Variants in HACD2 observed in about 807,000 individuals in gnomAD.
HACD2 encodes 3-hydroxyacyl-CoA dehydratase 2, also known as very-long-chain (3R)-3-hydroxyacyl-CoA dehydratase 2.
HACD2 carries 15 observed loss-of-function variants against 31.0 expected under a neutral mutation model. That is an observed-to-expected ratio of 0.48 (90% CI 0.32 to 0.75). The LOEUF is 0.75. Among genes scored for constraint, HACD2 ranks in the 30% least tolerant of loss-of-function variants. The probability of loss-of-function intolerance (pLI) is 0.03; values close to 1 mark genes in which losing one functional copy is unlikely to be tolerated. For synonymous variants in HACD2, 115 were observed against 122.2 expected (o/e 0.94, Z 0.39); for missense variants, 283 against 313.0 (o/e 0.90, Z 0.72).
intron 4 of HACD2, among the ~76,000 whole-genome samples, chr3:123,507,042 G>A (rs1203445322): frequency 6.6e-6 from 1 of 152,148 alleles, no homozygotes; most frequent in Non-Finnish European, 1.5e-5. Flanking sequence ...AGGATCACTT[G>A]AGGCCAGGAG....
rs1025926276 is a variant in HACD2, at chr3:123,492,095, C to G, written c.*2793G>C. On this transcript the variant is annotated 3_prime_UTR_variant, in exon 7 of 7. Transcript: ENST00000383657. ...GCAAGGACAGTGCTTTATTCCATGA[C>G]TAACTCTCCATGGTGCCTCTGGATA... 1 of 152,196 alleles carries G rather than the reference C, an allele frequency of 6.6e-6. No individual in the cohort carries two copies. Among genetic ancestry groups the G allele is most frequent in the African/African-American group, 2.4e-5 (1 of 41,438 alleles). 9.4% of individuals were successfully genotyped at this position (152,196 alleles called of 1,614,324 possible).
chr3:123,566,435 C>T (rs912724480), intron 3 of HACD2, among the ~76,000 whole-genome samples: 5 of 152,126 alleles, frequency 3.3e-5, no homozygotes, highest in South Asian at 4.2e-4. Flanking sequence ...CAGGCATGCA[C>T]GACCACACCT....
At chr3:123,530,210 C>T (rs1376983751) in intron 3 of HACD2, among the ~76,000 whole-genome samples, 2 of 151,872 alleles carry the variant, frequency 1.3e-5, no homozygotes, top group Non-Finnish European at 2.9e-5. Flanking sequence ...AACAAACAAA[C>T]AAACAAAAAG....
intron 3 of HACD2, among the ~76,000 whole-genome samples, chr3:123,542,691 G>C (rs1455583575): frequency 6.6e-6 from 1 of 152,202 alleles, no homozygotes; most frequent in Non-Finnish European, 1.5e-5. Flanking sequence ...TCTCCACTGA[G>C]AGAGACATGA....
chr3:123,547,603 T>G (rs574278866), intron 3 of HACD2, among the ~76,000 whole-genome samples: 1 of 152,246 alleles, frequency 6.6e-6, no homozygotes, highest in East Asian at 1.9e-4. Flanking sequence ...CATGCTATAC[T>G]ACTACAGGTG....
At position 123,502,566 on chromosome 3, in the gene HACD2, C is replaced by G. The variant is rs1273614263; in HGVS notation, c.497G>C (p.Trp166Ser). ...LLNHLPYLIK[W>S]ARYTLFIVLY... is the part of the protein sequence containing the mutation. Reference sequence around the variant, plus strand: ...TTGAAATGTGCTTTTTTACCTGGCCCATTTGATGAGGTAAGGCAGATGGTT... The same window carrying G: ...TTGAAATGTGCTTTTTTACCTGGCCGATTTGATGAGGTAAGGCAGATGGTT... The change falls in exon 5 of 7, where the codon TGG becomes TCG. Residue 166 changes from tryptophan (W) to serine (S), a missense_variant. Physicochemically the swap from Trp to Ser is radical, Grantham distance 177. Coordinates refer to ENST00000383657, the MANE Select transcript of HACD2 (RefSeq NM_198402.5). 1 of 1,610,954 alleles carries G rather than the reference C, an allele frequency of 6.2e-7. No individual in the cohort carries two copies. The highest frequency in any genetic ancestry group is 1.7e-4 in the Middle Eastern group (1 of 6,056).
intron 3 of HACD2, among the ~76,000 whole-genome samples, chr3:123,564,058 G>A (rs547018480): frequency 2.0e-5 from 3 of 152,234 alleles, no homozygotes; most frequent in African/African-American, 7.2e-5. Context: ...CAGGCATGCC[G>A]GTGAGAGAGG....
At chr3:123,532,943 C>A (rs947813497) in intron 3 of HACD2, among the ~76,000 whole-genome samples, 6 of 151,364 alleles carry the variant, frequency 4.0e-5, no homozygotes, top group African/African-American at 1.5e-4. Context: ...CAAAGCCTCT[C>A]ATACAGGTAG....
At chr3:123,516,509 C>G (rs929253447) in intron 4 of HACD2, among the ~76,000 whole-genome samples, 3 of 152,180 alleles carry the variant, frequency 2.0e-5, no homozygotes, top group African/African-American at 4.8e-5. Context: ...GCTGGGATTA[C>G]AGGCGTGTGC....
At position 123,520,571 on chromosome 3, in the gene HACD2, A is replaced by G. The variant is rs142603954; in HGVS notation, c.381+7815T>C. Among the ~76,000 whole-genome samples, 876 of 152,374 alleles carry G rather than the reference A, an allele frequency of 5.7e-3. 6 individuals are homozygous for G. The highest frequency in any genetic ancestry group is 0.019 in the African/African-American group (784 of 41,588). On this transcript the variant is annotated intron_variant, in intron 4 of 6. Coordinates refer to ENST00000383657, the MANE Select transcript of HACD2 (RefSeq NM_198402.5). ...CATTTCCAGCAATGCAGAAAGTTCT[A>G]TTGGACAGTGCTGGGGTAGAGGAAA...
At chr3:123,530,436 G>A (rs577956492) in intron 3 of HACD2, among the ~76,000 whole-genome samples, 10 of 147,986 alleles carry the variant, frequency 6.8e-5, no homozygotes, top group South Asian at 4.3e-4. Flanking sequence ...TTGAGACGGA[G>A]TCTTGCTCTG....
At chr3:123,582,155 G>T in intron 2 of HACD2, 57 bp downstream of exon 2, 2 of 1,169,370 alleles carry the variant, frequency 1.7e-6, no homozygotes, top group Non-Finnish European at 2.4e-6. Context: ...TAATTTAGTT[G>T]CATGTTTTTC....
rs1359869785 is a variant in HACD2, at chr3:123,496,677, ATAAT to A, written c.683-1711_683-1708del. Reference sequence around the variant, plus strand: ...TAATCTAAAAACTGGAAGTAAAGATATAATTAAACCATTAGGAATGTTAATGGTA... The same window carrying A: ...TAATCTAAAAACTGGAAGTAAAGATATAAACCATTAGGAATGTTAATGGTA... On this transcript the variant is annotated intron_variant, in intron 6 of 6. Transcript: ENST00000383657. Among the ~76,000 whole-genome samples, 5 of 152,384 alleles carry A rather than the reference ATAAT, an allele frequency of 3.3e-5. No homozygotes were observed. The East Asian group carries it at 9.6e-4, about 29-fold the overall frequency.
At chr3:123,551,524 CTGAG>C in intron 3 of HACD2, among the ~76,000 whole-genome samples, 2 of 151,796 alleles carry the variant, frequency 1.3e-5, no homozygotes, top group Admixed American at 1.3e-4. Flanking sequence ...ACTCGGGAGG[CTGAG>C]GCAGGGAATC....
At position 123,492,416 on chromosome 3, in the gene HACD2, C is replaced by T. The variant is rs2055775726; in HGVS notation, c.*2472G>A. ...TGACATTTGGTGGTGTGGTTGTTCTCAATTTATAAAATAATAAATGACTTC... is the reference window on the plus strand; with the variant it reads ...TGACATTTGGTGGTGTGGTTGTTCTTAATTTATAAAATAATAAATGACTTC... On this transcript the variant is annotated 3_prime_UTR_variant, in exon 7 of 7. Coordinates refer to ENST00000383657, the MANE Select transcript of HACD2 (RefSeq NM_198402.5). 1 of 152,130 alleles carries T rather than the reference C, an allele frequency of 6.6e-6. No homozygotes were observed. Among genetic ancestry groups the T allele is most frequent in the African/African-American group, 2.4e-5 (1 of 41,412 alleles). 9.4% of individuals were successfully genotyped at this position (152,130 alleles called of 1,614,324 possible).
At chr3:123,535,104 T>C (rs1212105760) in intron 3 of HACD2, among the ~76,000 whole-genome samples, 1 of 152,212 alleles carries the variant, frequency 6.6e-6, no homozygotes, top group African/African-American at 2.4e-5. Context: ...AGCAATGTCC[T>C]AGGCCTTCAC....
At chr3:123,524,300 C>A (rs2056251880) in intron 4 of HACD2, among the ~76,000 whole-genome samples, 1 of 152,112 alleles carries the variant, frequency 6.6e-6, no homozygotes, top group South Asian at 2.1e-4. Flanking sequence ...TAAGGTGGGT[C>A]CTGGAATATG....
chr3:123,533,410 A>T (rs554565973), intron 3 of HACD2, among the ~76,000 whole-genome samples: 1 of 152,350 alleles, frequency 6.6e-6, no homozygotes, highest in East Asian at 1.9e-4. Flanking sequence ...CAGCATCCCA[A>T]AGTGCTGGGA....
At chr3:123,510,694 T>A (rs1040967807) in intron 4 of HACD2, among the ~76,000 whole-genome samples, 2 of 152,254 alleles carry the variant, frequency 1.3e-5, no homozygotes, top group Non-Finnish European at 2.9e-5. Flanking sequence ...GTTCCTATCT[T>A]TTTGGCTATT....
Sources: gnomAD v4.1 joint callset for allele counts (sites outside exome capture counted in the v4.1 genomes callset) on GRCh38, gnomAD v4.1.1 for gene constraint, MANE v1.5 for transcripts, NCBI Gene and HGNC (gene_info 2026-07-23, HGNC 2026-07-21) for gene names.